Variants in SLC24A2 observed in about 807,000 individuals in gnomAD.
SLC24A2 encodes sodium/potassium/calcium exchanger 2.
Under a neutral mutation model 62.0 loss-of-function variants are expected in SLC24A2, and 36 were observed. The ratio of observed to expected loss-of-function variants is 0.58; its 90% CI spans 0.44 to 0.77. The LOEUF (loss-of-function observed/expected upper bound fraction) is 0.77, where lower values mean the gene tolerates loss of function less well. Among genes scored for constraint, SLC24A2 ranks in the 30% least tolerant of loss-of-function variants. The probability of loss-of-function intolerance (pLI) is 0.00; values close to 1 mark genes in which losing one functional copy is unlikely to be tolerated. For missense variants in SLC24A2, 846 were observed against 817.9 expected, an observed-to-expected ratio of 1.03 and a Z score of -0.42; for synonymous variants, 358 against 294.0, an observed-to-expected ratio of 1.22 and a Z score of -2.23.
chr9:19,710,413 G>T (rs903980369), intron 2 of SLC24A2, among the ~76,000 whole-genome samples: 6 of 152,144 alleles, frequency 3.9e-5, no homozygotes, highest in Non-Finnish European at 8.8e-5. Flanking sequence ...TATCAGGGGG[G>T]TGGTGGCGGT....
intron 2 of SLC24A2, among the ~76,000 whole-genome samples, chr9:19,653,148 T>C (rs1365910803): frequency 1.3e-5 from 2 of 152,168 alleles, no homozygotes; most frequent in African/African-American, 4.8e-5. Context: ...CTGTTTCCCT[T>C]GAGGACAGAG....
intron 2 of SLC24A2, among the ~76,000 whole-genome samples, chr9:19,633,040 T>C (rs1818217954): frequency 6.6e-6 from 1 of 152,210 alleles, no homozygotes; most frequent in Non-Finnish European, 1.5e-5. Context: ...TCATAAATGT[T>C]ATATAAATGG....
the SLC24A2 span, among the ~76,000 whole-genome samples, chr9:19,922,024 CTT>C: frequency 6.6e-6 from 1 of 152,272 alleles, no homozygotes; most frequent in African/African-American, 2.4e-5. Flanking sequence ...TAAAATGTAC[CTT>C]GATTCATCTA....
At chr9:19,849,566 A>C in the SLC24A2 span, among the ~76,000 whole-genome samples, 1 of 152,226 alleles carries the variant, frequency 6.6e-6, no homozygotes, top group Non-Finnish European at 1.5e-5. Context: ...ACACTGGGGA[A>C]AGAAAAGACA....
At chr9:19,845,261 A>G in the SLC24A2 span, among the ~76,000 whole-genome samples, 1 of 151,946 alleles carries the variant, frequency 6.6e-6, no homozygotes, top group Non-Finnish European at 1.5e-5. Context: ...TAGGTATTTA[A>G]TTTATTTTTG....
chr9:20,073,872 G>A, the SLC24A2 span, among the ~76,000 whole-genome samples: 2 of 92,564 alleles, frequency 2.2e-5, no homozygotes, highest in African/African-American at 4.5e-5. Flanking sequence ...GTGTATATGT[G>A]CGTGTATATA....
the SLC24A2 span, among the ~76,000 whole-genome samples, chr9:20,285,539 G>A: frequency 6.6e-6 from 1 of 152,274 alleles, no homozygotes; most frequent in Admixed American, 6.5e-5. Flanking sequence ...GGAGGGACAG[G>A]CTTTTTGTTC....
the SLC24A2 span, among the ~76,000 whole-genome samples, chr9:20,164,689 GT>G: frequency 1.3e-5 from 2 of 151,932 alleles, no homozygotes. Context: ...GCACACCTAT[GT>G]TTATTGTGGC....
chr9:19,600,468 T>C (rs1836813468), intron 4 of SLC24A2, among the ~76,000 whole-genome samples: 1 of 152,228 alleles, frequency 6.6e-6, no homozygotes, highest in Non-Finnish European at 1.5e-5. Context: ...ATCTCGATTA[T>C]GGAAAATATG....
At chr9:20,037,210 C>A in the SLC24A2 span, among the ~76,000 whole-genome samples, 1 of 152,104 alleles carries the variant, frequency 6.6e-6, no homozygotes. Flanking sequence ...TATTTTAAAT[C>A]ATCTATAGAT....
intron 2 of SLC24A2, among the ~76,000 whole-genome samples, chr9:19,644,341 T>C (rs943213859): frequency 3.9e-5 from 6 of 152,278 alleles, no homozygotes; most frequent in African/African-American, 1.2e-4. Flanking sequence ...AGTAGATATG[T>C]TTGTAATTTT....
the SLC24A2 span, among the ~76,000 whole-genome samples, chr9:20,081,922 G>A: frequency 4.9e-4 from 74 of 152,258 alleles, no homozygotes; most frequent in Non-Finnish European, 8.4e-4. Context: ...CAGATGGATT[G>A]TATTGTAGCT....
At chr9:19,984,004 T>G in the SLC24A2 span, among the ~76,000 whole-genome samples, 1 of 152,200 alleles carries the variant, frequency 6.6e-6, no homozygotes, top group Non-Finnish European at 1.5e-5. Flanking sequence ...GCTCCTCAAC[T>G]TACAATGTGG....
the SLC24A2 span, among the ~76,000 whole-genome samples, chr9:20,140,020 A>G: frequency 6.6e-6 from 1 of 152,138 alleles, no homozygotes; most frequent in Non-Finnish European, 1.5e-5. Flanking sequence ...GCTGCTCATT[A>G]GTGGTAAATG....
intron 2 of SLC24A2, among the ~76,000 whole-genome samples, chr9:19,658,551 C>T (rs939476670): frequency 6.6e-6 from 1 of 152,162 alleles, no homozygotes; most frequent in Non-Finnish European, 1.5e-5. Context: ...CAGTTTACAG[C>T]CAGGAAAACT....
intron 5 of SLC24A2, among the ~76,000 whole-genome samples, chr9:19,593,266 C>T (rs1836610082): frequency 6.6e-6 from 1 of 152,210 alleles, no homozygotes. Context: ...TTTAGGAGAA[C>T]TGTGTTTAAT....
Position 19,547,617 on chromosome 9 carries a change from T to G in SLC24A2, c.1479+2520A>C, listed in dbSNP as rs1430214890. ...TCCCAATTCTGAGAGTCAAGGGCCT[T>G]GACTTACTGGCATCTTCCTCCCATT... On this transcript the variant is annotated intron_variant, in intron 8 of 10. Transcript: ENST00000341998. Among the ~76,000 whole-genome samples the G allele has an allele frequency of 2.0e-5, 3 of 148,178 alleles. No individual in the cohort carries two copies. In the East Asian group the frequency reaches 5.8e-4, roughly 29 times the overall value.
At chr9:20,167,062 A>G in the SLC24A2 span, among the ~76,000 whole-genome samples, 15 of 151,902 alleles carry the variant, frequency 9.9e-5, no homozygotes, top group Non-Finnish European at 1.8e-4. Flanking sequence ...CAATCTATAC[A>G]CATCAGCCTC....
the SLC24A2 span, among the ~76,000 whole-genome samples, chr9:20,223,901 G>A: frequency 6.6e-5 from 10 of 152,210 alleles, no homozygotes; most frequent in South Asian, 1.9e-3. Flanking sequence ...GCATGGCTGA[G>A]GAGGCCTCAG....
Sources: allele counts gnomAD v4.1 joint callset (sites outside exome capture counted in the v4.1 genomes callset), GRCh38; gene constraint gnomAD v4.1.1; transcripts MANE v1.5; gene names NCBI Gene and HGNC (gene_info 2026-07-23, HGNC 2026-07-21).